The following XDH variants were observed in gnomAD, a reference collection of about 807,000 sequenced individuals.
The protein encoded by XDH is xanthine dehydrogenase, also known as xanthine dehydrogenase/oxidase.
Under a neutral mutation model 156.1 loss-of-function variants are expected in XDH, and 138 were observed. The ratio of observed to expected loss-of-function variants is 0.88; its 90% CI spans 0.77 to 1.02. The LOEUF is 1.02. XDH is among the 50% of genes least tolerant of loss of function. The pLI, the probability that XDH is intolerant of heterozygous loss-of-function variation, is 0.00. For synonymous variants in XDH, 669 were observed against 625.7 expected (o/e 1.07, Z -1.03); for missense variants, 1,849 against 1,684.9 (o/e 1.10, Z -1.71).
intron 15 of XDH, 71 bp from the exon 16 acceptor site, chr2:31,374,027 A>G: frequency 1.4e-6 from 2 of 1,459,060 alleles, no homozygotes; most frequent in Admixed American, 3.8e-5. Flanking sequence ...GCTTGTCCAT[A>G]AAAATGACCA....
In XDH at chr2:31,387,795, C is replaced by G. The variant is rs760993562; in HGVS notation, c.651+16G>C. On this transcript the variant is annotated intron_variant, in intron 8 of 35. Coordinates refer to ENST00000379416, the MANE Select transcript of XDH (RefSeq NM_000379.4). Reference sequence around the variant, plus strand: ...AGTACAGACCCGGCTGGATCTGTCCCTGAGGCATCACCTACCAGCAACTCT... The same window carrying G: ...AGTACAGACCCGGCTGGATCTGTCCGTGAGGCATCACCTACCAGCAACTCT... 6.4e-7 allele frequency: 1 copy of G among 1,569,442 alleles called. No homozygotes were observed.
rs373327770 is a variant in XDH, at chr2:31,349,659, A to AGTTGC, written c.2969+26_2969+27insGCAAC. The AGTTGC allele has an allele frequency of 1.8e-3, 2,861 of 1,614,060 alleles. 46 individuals are homozygous for AGTTGC. The African/African-American group carries it at 0.034, about 19-fold the overall frequency. ...TGTAGGATATGAAACCCAGAAGAGC[A>AGTTGC]ACTGGACTTCTACTCCTAGTGCTTA... On this transcript the variant is annotated intron_variant, in intron 26 of 35. Transcript: ENST00000379416.
rs1686650477 is a variant in XDH, at chr2:31,387,823, G to A, written c.639C>T (p.Pro213=). ...AGGCATCACCTACCAGCAACTCTGG[G>A]GGAAAAATGGGCTCCTGGGTTGGAT... ...PLDPTQEPIF[P]PELLRLKDTP... is the part of the protein sequence containing the mutation. Residue 213 remains proline (P), a synonymous_variant, in exon 8 of 36, where the codon CCC becomes CCT. Transcript: ENST00000379416. The A allele has an allele frequency of 1.3e-6, 2 of 1,582,942 alleles. No homozygotes were observed. Among genetic ancestry groups the A allele is most frequent in the East Asian group, 2.3e-5 (1 of 44,000 alleles).
chr2:31,342,359 C>A, intron 31 of XDH, 62 bp from the exon 32 acceptor site: 2 of 1,401,374 alleles, frequency 1.4e-6, no homozygotes, highest in Non-Finnish European at 2.0e-6. Context: ...CTTCCCTATG[C>A]ACGTACAGCT....
intron 12 of XDH, 106 bp downstream of exon 12, chr2:31,381,527 G>A: frequency 8.9e-7 from 1 of 1,126,782 alleles, no homozygotes; most frequent in South Asian, 1.3e-5. Context: ...CACAGGGAAA[G>A]CTGGGTCACT....
In XDH at chr2:31,377,246, G is replaced by T. The variant is rs1396959213; in HGVS notation, c.1243-9C>A. On this transcript the variant is annotated splice_polypyrimidine_tract_variant and intron_variant, in intron 13 of 35. Transcript: ENST00000379416. Reference sequence around the variant, plus strand: ...GCTGAGAAATACTCCCCCTAAAAGAGATCAGGAAGGTGCCTGTTTTCCACC... The same window carrying T: ...GCTGAGAAATACTCCCCCTAAAAGATATCAGGAAGGTGCCTGTTTTCCACC... The T allele has an allele frequency of 6.2e-7, 1 of 1,613,822 alleles. No individual in the cohort carries two copies. Among genetic ancestry groups the T allele is most frequent in the Non-Finnish European group, 8.5e-7 (1 of 1,180,046 alleles).
intron 24 of XDH, among the ~76,000 whole-genome samples, chr2:31,358,804 C>T (rs1004172502): frequency 6.6e-6 from 1 of 152,036 alleles, no homozygotes; most frequent in African/African-American, 2.4e-5. Context: ...AAACAAAACC[C>T]TACCAATAAC....
chr2:31,373,794 T>C (rs1452095728), intron 16 of XDH, 79 bp downstream of exon 16: 1 of 1,425,380 alleles, frequency 7.0e-7, no homozygotes, highest in Non-Finnish European at 9.8e-7. Flanking sequence ...AAGTTAGTCA[T>C]TAGCCGATGG....
intron 24 of XDH, among the ~76,000 whole-genome samples, chr2:31,350,661 C>T (rs1000453102): frequency 6.6e-6 from 1 of 152,068 alleles, no homozygotes; most frequent in African/African-American, 2.4e-5. Flanking sequence ...GGCATGAGCC[C>T]AGCCTGCGGC....
chr2:31,366,873 G>A lies in XDH; in HGVS notation c.2319C>T (p.Thr773=). ...LFVSTQNTMK[T]QSFVAKMLGV... ...AGCTGACCCAAAAGGCATCTACCTG[G>A]GTCTTCATGGTGTTCTGTGTAGACA... Residue 773 remains threonine (T), a synonymous_variant, in exon 21 of 36, where the codon ACC becomes ACT. Coordinates refer to ENST00000379416, the MANE Select transcript of XDH (RefSeq NM_000379.4). 1 of 1,614,154 alleles carries A rather than the reference G, an allele frequency of 6.2e-7. No individual in the cohort carries two copies.
chr2:31,401,009 C>G (rs1213251375), intron 4 of XDH, among the ~76,000 whole-genome samples: 2 of 152,204 alleles, frequency 1.3e-5, no homozygotes, highest in Non-Finnish European at 2.9e-5. Context: ...AACCAACCAG[C>G]TCACAGGAAG....
Position 31,337,661 on chromosome 2 carries a change from C to A in XDH, c.3931G>T (p.Val1311Leu), listed in dbSNP as rs1362647844. 5 of 1,614,042 alleles carry A rather than the reference C, an allele frequency of 3.1e-6. No individual in the cohort carries two copies. Among genetic ancestry groups the A allele is most frequent in the Admixed American group, 1.7e-5 (1 of 60,010 alleles). The change falls in exon 35 of 36, where the codon GTG becomes TTG. Residue 1311 changes from valine to leucine, a missense_variant. By Grantham distance (32) the Val-to-Leu change is conservative (BLOSUM62 1). Transcript: ENST00000379416. The stretch of plus-strand genomic sequence containing the variant: ...CATACCAGGGTGGTGAACTTGTCCA[C>A]GCAGGCATTGCGGATCTTCTCCGGG... ...ATPEKIRNAC[V>L]DKFTTLCVTG...
chr2:31,405,395 G>A (rs1282594738), intron 2 of XDH, among the ~76,000 whole-genome samples: 2 of 152,012 alleles, frequency 1.3e-5, no homozygotes, highest in Non-Finnish European at 2.9e-5. Flanking sequence ...TCTTTCTAAG[G>A]AGTCCCCCCA....
chr2:31,386,623 T>G (rs1686605169), intron 8 of XDH, 68 bp from the exon 9 acceptor site: 1 of 1,604,516 alleles, frequency 6.2e-7, no homozygotes, highest in Non-Finnish European at 8.5e-7. Flanking sequence ...ATAAATTGCT[T>G]TAAGTCCTCA....
intron 20 of XDH, among the ~76,000 whole-genome samples, chr2:31,367,358 G>A (rs45451200): frequency 6.6e-6 from 1 of 152,222 alleles, no homozygotes; most frequent in Non-Finnish European, 1.5e-5. Flanking sequence ...GAAAACCAGC[G>A]CATGTTCCCG....
rs138633733 is a variant in XDH at position 31,342,400 on chromosome 2, T to C, written c.3405-103A>G. On this transcript the variant is annotated intron_variant, in intron 31 of 35. Transcript: ENST00000379416. ...CACAACATCTTTAAACCCCACAAGT[T>C]TTTGCATTCAGCTGTTCTCCAAAAA... The C allele has an allele frequency of 1.6e-4, 164 of 1,034,794 alleles. No individual in the cohort carries two copies. In the African/African-American group the frequency reaches 2.4e-3, roughly 15 times the overall value. 64.1% of individuals were successfully genotyped at this position (1,034,794 alleles called of 1,614,324 possible).
At chr2:31,388,100 T>A (rs551192541) in intron 7 of XDH, 127 bp downstream of exon 7, 2 of 1,158,032 alleles carry the variant, frequency 1.7e-6, no homozygotes, top group Admixed American at 1.9e-5. Context: ...ATCCCCACAG[T>A]CTGCCATCAC....
chr2:31,414,497 G>C (rs2273452), intron 1 of XDH, 128 bp downstream of exon 1: 3 of 1,360,222 alleles, frequency 2.2e-6, no homozygotes, highest in African/African-American at 1.4e-5. Flanking sequence ...CCTTTAAAGC[G>C]AGAGAGAGAA....
chr2:31,393,830 A>ATTTTTTTT, intron 6 of XDH, among the ~76,000 whole-genome samples: 1 of 142,988 alleles, frequency 7.0e-6, no homozygotes. Context: ...GTTGCCCTAG[A>ATTTTTTTT]GTTTGCAGTA....
Sources: allele counts gnomAD v4.1 joint callset (sites outside exome capture counted in the v4.1 genomes callset), GRCh38; gene constraint gnomAD v4.1.1; transcripts MANE v1.5; gene names NCBI Gene and HGNC (gene_info 2026-07-23, HGNC 2026-07-21).